KIF6: variants seen among roughly 807,000 people sequenced by gnomAD.
KIF6 encodes kinesin family member 6.
KIF6 carries 106 observed loss-of-function variants against 112.7 expected under a neutral mutation model. The ratio of observed to expected loss-of-function variants is 0.94; its 90% CI spans 0.80 to 1.11. The LOEUF is 1.11. KIF6 is among the 50% of genes least tolerant of loss of function. The probability of loss-of-function intolerance (pLI) is 0.00; values close to 1 mark genes in which losing one functional copy is unlikely to be tolerated. For synonymous variants in KIF6, 339 were observed against 339.9 expected (o/e 1.00, Z 0.03); for missense variants, 929 against 964.0 (o/e 0.96, Z 0.48).
chr6:39,337,212 T>TTTCTTTCA (rs1562102816), intron 22 of KIF6, among the ~76,000 whole-genome samples: 1 of 109,586 alleles, frequency 9.1e-6, no homozygotes, highest in Non-Finnish European at 1.6e-5. Flanking sequence ...TCTTTCTTTC[T>TTTCTTTCA]TTCTTTCTTT....
chr6:39,387,996 C>T (rs576011770), intron 15 of KIF6, among the ~76,000 whole-genome samples: 65 of 152,262 alleles, frequency 4.3e-4, no homozygotes, highest in Non-Finnish European at 7.2e-4. Context: ...CCTTATACCA[C>T]GAGCCTCTCA....
chr6:39,558,370 A>G (rs942665882), intron 10 of KIF6, among the ~76,000 whole-genome samples: 1 of 152,168 alleles, frequency 6.6e-6, no homozygotes, highest in Non-Finnish European at 1.5e-5. Context: ...TATTATTTCC[A>G]TAAGTGCACA....
At chr6:39,623,481 TA>T (rs1429638134) in intron 5 of KIF6, among the ~76,000 whole-genome samples, 1 of 152,236 alleles carries the variant, frequency 6.6e-6, no homozygotes, top group African/African-American at 2.4e-5. Flanking sequence ...ATCTTGTTCA[TA>T]AAGTTCTCGA....
At chr6:39,486,794 T>G (rs1775139594) in intron 13 of KIF6, among the ~76,000 whole-genome samples, 1 of 152,226 alleles carries the variant, frequency 6.6e-6, no homozygotes, top group Non-Finnish European at 1.5e-5. Flanking sequence ...TTGCAAAGGT[T>G]GCATGAACCC....
At chr6:39,714,439 A>G (rs975668751) in intron 3 of KIF6, among the ~76,000 whole-genome samples, 2 of 152,178 alleles carry the variant, frequency 1.3e-5, no homozygotes, top group African/African-American at 4.8e-5. Flanking sequence ...CTCAGTTTAT[A>G]TATCTTTACA....
At chr6:39,706,404 A>T (rs1299504276) in intron 3 of KIF6, among the ~76,000 whole-genome samples, 1 of 152,248 alleles carries the variant, frequency 6.6e-6, no homozygotes, top group Non-Finnish European at 1.5e-5. Context: ...AGCTGTAGGT[A>T]GAATGGGAAT....
intron 3 of KIF6, among the ~76,000 whole-genome samples, chr6:39,701,623 C>A (rs1788883590): frequency 6.6e-6 from 1 of 152,204 alleles, no homozygotes; most frequent in African/African-American, 2.4e-5. Flanking sequence ...AACCGCTGAG[C>A]ATTAAAACAA....
chr6:39,548,347 C>G (rs1002468300), intron 10 of KIF6, among the ~76,000 whole-genome samples: 3 of 152,160 alleles, frequency 2.0e-5, no homozygotes, highest in Non-Finnish European at 2.9e-5. Context: ...CACAGCAACA[C>G]TGTAGAATAC....
intron 13 of KIF6, among the ~76,000 whole-genome samples, chr6:39,485,885 C>T (rs1005652093): frequency 3.9e-5 from 6 of 152,174 alleles, no homozygotes; most frequent in African/African-American, 1.4e-4. Context: ...ATTGAATCCT[C>T]ACAACATTTC....
chr6:39,685,527 C>G (rs1787808970), intron 3 of KIF6, among the ~76,000 whole-genome samples: 1 of 152,134 alleles, frequency 6.6e-6, no homozygotes, highest in South Asian at 2.1e-4. Flanking sequence ...GTGAACATAC[C>G]AGAGAAGCGT....
rs140923965 is a variant in KIF6 at position 39,663,753 on chromosome 6, C to T, written c.252-23996G>A. Reference sequence around the variant, plus strand: ...ATAGATAAATCTAAAGAAGTAATTGCCTTTTGTTAAAGAAAAAAACAGTTG... The same window carrying T: ...ATAGATAAATCTAAAGAAGTAATTGTCTTTTGTTAAAGAAAAAAACAGTTG... On this transcript the variant is annotated intron_variant, in intron 3 of 22. Coordinates refer to ENST00000287152, the MANE Select transcript of KIF6 (RefSeq NM_145027.6). 3.1e-4 allele frequency among the ~76,000 whole-genome samples: 47 copies of T among 151,968 alleles called. 1 individual carries two copies. The East Asian group carries it at 7.0e-3, about 23-fold the overall frequency.
intron 15 of KIF6, among the ~76,000 whole-genome samples, chr6:39,394,267 T>C (rs1184031862): frequency 1.3e-5 from 2 of 152,192 alleles, no homozygotes; most frequent in Admixed American, 6.5e-5. Context: ...TATATATTTA[T>C]AAAAAGAAAT....
Position 39,385,678 on chromosome 6 carries a change from A to AC in KIF6, c.1811-7_1811-6insG. The AC allele has an allele frequency of 6.2e-7, 1 of 1,611,802 alleles. No individual in the cohort carries two copies. The highest frequency in any genetic ancestry group is 8.5e-7 in the Non-Finnish European group (1 of 1,177,964). Reference sequence around the variant, plus strand: ...GATTTCTTCCTTCAGGTGACCTGCCAAAGACACAAAAGAAAACTACCAGTG... The same window carrying AC: ...GATTTCTTCCTTCAGGTGACCTGCCACAAGACACAAAAGAAAACTACCAGTG... On this transcript the variant is annotated splice_region_variant and splice_polypyrimidine_tract_variant and intron_variant, in intron 15 of 22. Transcript: ENST00000287152.
chr6:39,480,500 T>A (rs890894861), intron 13 of KIF6, among the ~76,000 whole-genome samples: 2 of 152,158 alleles, frequency 1.3e-5, no homozygotes. Context: ...TCAGGAATAT[T>A]GGTCTGAAGT....
At chr6:39,587,697 C>T (rs1222422425) in intron 7 of KIF6, among the ~76,000 whole-genome samples, 1 of 152,182 alleles carries the variant, frequency 6.6e-6, no homozygotes, top group Non-Finnish European at 1.5e-5. Flanking sequence ...ATGTCTCCAT[C>T]ATTAAATCCC....
chr6:39,678,629 A>G (rs548178384), intron 3 of KIF6, among the ~76,000 whole-genome samples: 1 of 152,304 alleles, frequency 6.6e-6, no homozygotes, highest in South Asian at 2.1e-4. Context: ...AGGGAACCAA[A>G]TCAAACGAAC....
intron 3 of KIF6, among the ~76,000 whole-genome samples, chr6:39,710,488 T>C (rs1582502812): frequency 6.9e-6 from 1 of 144,952 alleles, no homozygotes. Context: ...AAAAACCCAG[T>C]GTTTCAAAAG....
intron 21 of KIF6, among the ~76,000 whole-genome samples, chr6:39,344,361 A>G (rs1763548400): frequency 6.6e-6 from 1 of 152,170 alleles, no homozygotes; most frequent in South Asian, 2.1e-4. Flanking sequence ...TGTCTTTATC[A>G]GAAGTGTGAA....
chr6:39,600,183 T>C (rs756777328), intron 6 of KIF6, among the ~76,000 whole-genome samples: 53 of 152,200 alleles, frequency 3.5e-4, no homozygotes, highest in Non-Finnish European at 6.8e-4. Context: ...TTTCTGAAAC[T>C]GCCTAAGAAC....
Sources: allele counts gnomAD v4.1 joint callset (sites outside exome capture counted in the v4.1 genomes callset), GRCh38; gene constraint gnomAD v4.1.1; transcripts MANE v1.5; gene names NCBI Gene and HGNC (gene_info 2026-07-23, HGNC 2026-07-21).